RPS6KA2: variants seen among roughly 807,000 people sequenced by gnomAD.
RPS6KA2 encodes the protein ribosomal protein S6 kinase alpha-2.
In RPS6KA2, 42 loss-of-function variants were observed where a neutral mutation model predicts 91.8. The observed-to-expected ratio is 0.46, with a 90% CI of 0.36 to 0.59. The LOEUF (loss-of-function observed/expected upper bound fraction) is 0.59, where lower values mean the gene tolerates loss of function less well. Among genes scored for constraint, RPS6KA2 ranks in the 20% least tolerant of loss-of-function variants. The pLI, the probability that RPS6KA2 is intolerant of heterozygous loss-of-function variation, is 0.00. For synonymous variants in RPS6KA2, 414 were observed against 393.6 expected (o/e 1.05, Z -0.61); for missense variants, 798 against 978.5 (o/e 0.82, Z 2.46).
intron 1 of RPS6KA2, among the ~76,000 whole-genome samples, chr6:166,576,310 T>C (rs1784835642): frequency 6.6e-6 from 1 of 152,180 alleles, no homozygotes; most frequent in South Asian, 2.1e-4. Context: ...CACGAAAATG[T>C]GGAAGTGACT....
chr6:166,541,489 T>C (rs564636039), intron 1 of RPS6KA2, among the ~76,000 whole-genome samples: 3 of 152,326 alleles, frequency 2.0e-5, no homozygotes, highest in Non-Finnish European at 4.4e-5. Context: ...GACATGCCTT[T>C]GTGGGACTAG....
rs1484222868 is a variant in RPS6KA2, at chr6:166,825,581, T to C, written c.123+32619A>G. The stretch of plus-strand genomic sequence containing the variant: ...CTGGGTGGCTTTTAAACAACAGAAA[T>C]GTAGTGGTCCCAGGTCTGGAGGCTG... On this transcript the variant is annotated intron_variant, in intron 2 of 21. Transcript: ENST00000503859. This position sits in a 1 kb window ranked among gnomAD's most constrained non-coding sequence, Gnocchi z 4.1. Among the ~76,000 whole-genome samples the C allele has an allele frequency of 2.0e-5, 3 of 151,912 alleles. No homozygotes were observed. The highest frequency in any genetic ancestry group is 1.5e-5 in the Non-Finnish European group (1 of 68,016).
intron 2 of RPS6KA2, among the ~76,000 whole-genome samples, chr6:166,718,808 T>A (rs182082007): frequency 8.5e-5 from 13 of 152,340 alleles, no homozygotes; most frequent in African/African-American, 3.1e-4. Flanking sequence ...TAATGAAAAG[T>A]GAGATCCCAA....
intron 2 of RPS6KA2, among the ~76,000 whole-genome samples, chr6:166,645,323 G>A (rs1787573104): frequency 1.3e-5 from 2 of 152,190 alleles, no homozygotes; most frequent in Non-Finnish European, 2.9e-5. Context: ...GAGGCACAAC[G>A]TTAGTTTTTG....
At chr6:166,724,129 G>A (rs139306283) in intron 2 of RPS6KA2, among the ~76,000 whole-genome samples, 247 of 152,238 alleles carry the variant, frequency 1.6e-3, no homozygotes, top group Non-Finnish European at 3.1e-3. Flanking sequence ...CACATGTATG[G>A]ACATATGTAT....
At chr6:166,776,738 C>T (rs1400356003) in intron 2 of RPS6KA2, among the ~76,000 whole-genome samples, 2 of 152,198 alleles carry the variant, frequency 1.3e-5, no homozygotes, top group Non-Finnish European at 2.9e-5. Context: ...GGTGTGTCAA[C>T]GCTTCCTTCC....
intron 2 of RPS6KA2, among the ~76,000 whole-genome samples, chr6:166,842,369 G>A (rs1780506446): frequency 6.6e-6 from 1 of 152,058 alleles, no homozygotes; most frequent in Admixed American, 6.5e-5. Flanking sequence ...GATGGAGGTG[G>A]AGACTGGAGA....
At chr6:166,469,333 T>G (rs1435443155) in intron 11 of RPS6KA2, among the ~76,000 whole-genome samples, 1 of 151,480 alleles carries the variant, frequency 6.6e-6, no homozygotes, top group Non-Finnish European at 1.5e-5. Context: ...GTTGTTTTTT[T>G]TTTTTTTTTT....
intron 2 of RPS6KA2, among the ~76,000 whole-genome samples, chr6:166,742,389 G>A (rs1336356035): frequency 6.6e-6 from 1 of 152,236 alleles, no homozygotes; most frequent in African/African-American, 2.4e-5. Flanking sequence ...CCTCTCCGGT[G>A]TGGGTCTCAG....
At chr6:166,438,878 C>A (rs1428955120) in intron 14 of RPS6KA2, among the ~76,000 whole-genome samples, 1 of 152,184 alleles carries the variant, frequency 6.6e-6, no homozygotes, top group Non-Finnish European at 1.5e-5. Context: ...TTTGTGTTCT[C>A]ACCTTGCCCT....
rs545290961 is a variant in RPS6KA2, at chr6:166,783,502, T to G, written c.123+74698A>C. ...CAATTCCTTAACAAAAGCAAATTGC[T>G]GTCTCTCTCTAGATAGACAGATATA... On this transcript the variant is annotated intron_variant, in intron 2 of 21. Coordinates refer to the RPS6KA2 transcript ENST00000503859. Among the ~76,000 whole-genome samples, 9 of 152,248 alleles carry G rather than the reference T, an allele frequency of 5.9e-5. No individual in the cohort carries two copies. The South Asian group carries it at 1.2e-3, about 21-fold the overall frequency.
intron 1 of RPS6KA2, chr6:166,544,768 TG>T (rs955130940): frequency 6.6e-6 from 1 of 152,270 alleles, no homozygotes; most frequent in Non-Finnish European, 1.5e-5. Context: ...CAAATGTGTC[TG>T]CTTTTGCTGG....
At chr6:166,587,460 T>C (rs534017213) in intron 1 of RPS6KA2, among the ~76,000 whole-genome samples, 2 of 152,320 alleles carry the variant, frequency 1.3e-5, no homozygotes, top group East Asian at 3.9e-4. Context: ...GAGGGGGTCC[T>C]ACCTGGATTA....
At chr6:166,745,146 GCCTTTT>G (rs1790954165) in intron 2 of RPS6KA2, among the ~76,000 whole-genome samples, 2 of 141,608 alleles carry the variant, frequency 1.4e-5, no homozygotes, top group South Asian at 2.2e-4. Context: ...GTCCTAATCG[GCCTTTT>G]TTTTTTTTTT....
intron 2 of RPS6KA2, among the ~76,000 whole-genome samples, chr6:166,710,188 C>T (rs1049457926): frequency 4.6e-5 from 7 of 152,178 alleles, no homozygotes; most frequent in African/African-American, 1.7e-4. Context: ...AATCCCTGAA[C>T]ATCTGAAAGA....
At chr6:166,695,806 ATAGGAG>A (rs1562388010) in intron 2 of RPS6KA2, among the ~76,000 whole-genome samples, 63 of 137,328 alleles carry the variant, frequency 4.6e-4, no homozygotes, top group African/African-American at 2.1e-3. Context: ...CTGGATTCTC[ATAGGAG>A]CACTGGATTC....
rs944895415 is a variant in RPS6KA2 at position 166,533,007 on chromosome 6, C to A, written c.217-1694G>T. Among the ~76,000 whole-genome samples the A allele has an allele frequency of 3.9e-5, 6 of 152,356 alleles. No homozygotes were observed. The South Asian group carries it at 1.0e-3, about 26-fold the overall frequency. ...CCCATGGCTCTTGCTGGCAGACCCACTGTAGCCCTGGAAGTTACTGCACAT... is the reference window on the plus strand; with the variant it reads ...CCCATGGCTCTTGCTGGCAGACCCAATGTAGCCCTGGAAGTTACTGCACAT... On this transcript the variant is annotated intron_variant, in intron 2 of 20. Transcript: ENST00000265678. This position sits in a 1 kb window ranked among gnomAD's most constrained non-coding sequence, Gnocchi z 4.0.
At chr6:166,414,875 G>C (rs868547731) in intron 19 of RPS6KA2, among the ~76,000 whole-genome samples, 2 of 152,282 alleles carry the variant, frequency 1.3e-5, no homozygotes, top group Non-Finnish European at 2.9e-5. Context: ...GACCAGCCTG[G>C]CCAACATGGT....
Position 166,767,867 on chromosome 6 carries a change from C to T in RPS6KA2, c.123+90333G>A, listed in dbSNP as rs1358108868. Reference sequence around the variant, plus strand: ...CAGAGTGTGTGCGGGGATTGCTAACCATGGCAGAGCCTGCTCTCACTGTTT... The same window carrying T: ...CAGAGTGTGTGCGGGGATTGCTAACTATGGCAGAGCCTGCTCTCACTGTTT... On this transcript the variant is annotated intron_variant, in intron 2 of 21. Transcript: ENST00000503859. The surrounding 1 kb of genome is among the most constrained non-coding windows in gnomAD (Gnocchi z 4.6). Among the ~76,000 whole-genome samples, 1 of 151,888 alleles carries T rather than the reference C, an allele frequency of 6.6e-6. No homozygotes were observed. The highest frequency in any genetic ancestry group is 1.5e-5 in the Non-Finnish European group (1 of 67,998).
Sources: gnomAD v4.1 joint callset for allele counts (sites outside exome capture counted in the v4.1 genomes callset) on GRCh38, gnomAD v4.1.1 for gene constraint, Gnocchi (gnomAD v3.1) non-coding constraint, MANE v1.5 for transcripts, NCBI Gene and HGNC (gene_info 2026-07-23, HGNC 2026-07-21) for gene names.